Variants in USP4 observed in about 807,000 individuals in gnomAD.
The protein encoded by USP4 is ubiquitin specific peptidase 4, also known as ubiquitin carboxyl-terminal hydrolase 4.
Under a neutral mutation model 118.2 loss-of-function variants are expected in USP4, and 72 were observed. The ratio of observed to expected loss-of-function variants is 0.61; its 90% CI spans 0.50 to 0.74. The LOEUF (loss-of-function observed/expected upper bound fraction) is 0.74. Among genes scored for constraint, USP4 ranks in the 30% least tolerant of loss-of-function variants. The probability of loss-of-function intolerance (pLI) is 0.00; values close to 1 mark genes in which losing one functional copy is unlikely to be tolerated. For synonymous variants in USP4, 415 were observed against 440.4 expected, an observed-to-expected ratio of 0.94 and a Z score of 0.72; for missense variants, 1,037 against 1,185.7, an observed-to-expected ratio of 0.87 and a Z score of 1.84.
At position 49,288,739 on chromosome 3, in the gene USP4, C is replaced by T. The variant is rs937742734; in HGVS notation, c.1973-2414G>A. On this transcript the variant is annotated intron_variant, in intron 15 of 21. Coordinates refer to ENST00000265560, the MANE Select transcript of USP4 (RefSeq NM_003363.4). ...CACTGAAAGCAGCTACCCAAAGTCACTCAGAAAATCAGCAGGGGACCTAAA... is the reference window on the plus strand; with the variant it reads ...CACTGAAAGCAGCTACCCAAAGTCATTCAGAAAATCAGCAGGGGACCTAAA... Among the ~76,000 whole-genome samples the T allele has an allele frequency of 3.9e-5, 6 of 152,076 alleles. No homozygotes were observed. In the South Asian group the frequency reaches 1.2e-3, roughly 32 times the overall value.
intron 1 of USP4, among the ~76,000 whole-genome samples, chr3:49,339,064 T>C (rs1423322136): frequency 2.6e-5 from 4 of 152,258 alleles, no homozygotes; most frequent in Middle Eastern, 3.4e-3. Context: ...GGAGAATCGC[T>C]TGAACCCGGG....
chr3:49,311,236 C>T (rs536766746), intron 7 of USP4, among the ~76,000 whole-genome samples: 2 of 152,314 alleles, frequency 1.3e-5, no homozygotes, highest in Non-Finnish European at 2.9e-5. Context: ...GCCAGCCCAT[C>T]CCTTCATAAA....
chr3:49,329,384 A>G (rs535619747), intron 2 of USP4, among the ~76,000 whole-genome samples: 1 of 152,076 alleles, frequency 6.6e-6, no homozygotes, highest in Non-Finnish European at 1.5e-5. Flanking sequence ...CCCATGAATC[A>G]TGAATATTTT....
At chr3:49,327,061 T>C (rs1451218433) in intron 3 of USP4, among the ~76,000 whole-genome samples, 1 of 152,154 alleles carries the variant, frequency 6.6e-6, no homozygotes, top group East Asian at 1.9e-4. Context: ...ATAAACAAGA[T>C]GCAGGACATT....
chr3:49,321,139 T>C (rs1214511467), intron 6 of USP4, among the ~76,000 whole-genome samples: 2 of 147,604 alleles, frequency 1.4e-5, no homozygotes, highest in Non-Finnish European at 3.1e-5. Context: ...TTCAGAAAGA[T>C]GTAAGCCTCC....
At chr3:49,282,045 C>A (rs570595848) in intron 19 of USP4, among the ~76,000 whole-genome samples, 3 of 151,676 alleles carry the variant, frequency 2.0e-5, no homozygotes, top group African/African-American at 7.2e-5. Context: ...AAAACAACAA[C>A]AACAACAAAA....
Position 49,278,349 on chromosome 3 carries a change from T to C in USP4, c.2836A>G (p.Ser946Gly). Residue 946 changes from serine (S) to glycine (G), a missense_variant, in exon 22 of 22, where the codon AGC becomes GGC. This residue lies in a region of USP4 where 522 missense variants were observed against 592.6 expected (regional missense o/e 0.88). Coordinates refer to ENST00000265560, the MANE Select transcript of USP4 (RefSeq NM_003363.4). ...TCCCCAAAGCCCTGCTGAGAGCTGCTTGGTCGTGTCCCTCCATCAGAGGAA... is the reference window on the plus strand; with the variant it reads ...TCCCCAAAGCCCTGCTGAGAGCTGCCTGGTCGTGTCCCTCCATCAGAGGAA... ...SGSSDGGTRP[S>G]SSQQGFGDDE... 1 of 1,614,148 alleles carries C rather than the reference T, an allele frequency of 6.2e-7. No individual in the cohort carries two copies. The highest frequency in any genetic ancestry group is 8.5e-7 in the Non-Finnish European group (1 of 1,180,036).
intron 19 of USP4, among the ~76,000 whole-genome samples, chr3:49,281,536 A>T (rs1174509007): frequency 1.3e-5 from 2 of 150,096 alleles, no homozygotes; most frequent in East Asian, 3.9e-4. Context: ...ACACACATAT[A>T]TACATTTATA....
At chr3:49,321,035 T>C (rs2047494376) in intron 6 of USP4, among the ~76,000 whole-genome samples, 2 of 152,182 alleles carry the variant, frequency 1.3e-5, no homozygotes, top group South Asian at 4.1e-4. Flanking sequence ...ATCTGAGAAA[T>C]GTCCTAAAAA....
intron 19 of USP4, among the ~76,000 whole-genome samples, chr3:49,282,647 C>T (rs541793911): frequency 5.5e-4 from 84 of 152,144 alleles, no homozygotes; most frequent in Admixed American, 2.2e-3. Context: ...TGCTATACTT[C>T]ATGTATCTAT....
At chr3:49,284,683 C>CT in intron 17 of USP4, 99 bp from the exon 18 acceptor site, 1 of 1,236,702 alleles carries the variant, frequency 8.1e-7, no homozygotes, top group Non-Finnish European at 1.2e-6. Flanking sequence ...ATGTAGTACA[C>CT]TTTCTAGAGC....
intron 11 of USP4, among the ~76,000 whole-genome samples, chr3:49,300,217 G>C (rs2047250418): frequency 6.6e-6 from 1 of 151,720 alleles, no homozygotes; most frequent in African/African-American, 2.4e-5. Context: ...CTTCACTCCA[G>C]CATGGGCAAC....
intron 6 of USP4, chr3:49,312,714 A>T: frequency 3.3e-6 from 1 of 302,158 alleles, no homozygotes; most frequent in Non-Finnish European, 6.6e-6. Context: ...GAATTGCGTG[A>T]AACCGGGAGG....
Position 49,294,490 on chromosome 3 carries a change from T to G in USP4, c.1800A>C (p.Leu600=). 1.2e-6 allele frequency: 2 copies of G among 1,614,224 alleles called. No individual in the cohort carries two copies. Among genetic ancestry groups the G allele is most frequent in the South Asian group, 2.2e-5 (2 of 91,082 alleles). Residue 600 remains leucine, a synonymous_variant, in exon 14 of 22, where the codon CTA becomes CTC. Coordinates refer to ENST00000265560, the MANE Select transcript of USP4 (RefSeq NM_003363.4). ...RPSSTSSASA[L]YGQPLLLSVP... is the part of the protein sequence containing the mutation. ...CAGAAAGCAATAGTGGCTGCCCATA[T>G]AGCGCTGATGCGGAGGAAGTGCTTG... is the stretch of plus-strand genomic sequence containing the variant.
intron 1 of USP4, among the ~76,000 whole-genome samples, chr3:49,339,165 A>G (rs1189841370): frequency 6.6e-6 from 1 of 152,136 alleles, no homozygotes; most frequent in Non-Finnish European, 1.5e-5. Context: ...AACAAAACAA[A>G]CAAGATGGGT....
At chr3:49,323,761 TCC>T (rs1163644850) in intron 6 of USP4, among the ~76,000 whole-genome samples, 1 of 152,122 alleles carries the variant, frequency 6.6e-6, no homozygotes, top group Non-Finnish European at 1.5e-5. Context: ...GCAACATTAT[TCC>T]CATAACTACT....
chr3:49,278,153 TTTG>T lies in USP4; in HGVS notation c.*137_*139del. The T allele has an allele frequency of 3.2e-6, 3 of 943,712 alleles. No individual in the cohort carries two copies. The highest frequency in any genetic ancestry group is 3.0e-6 in the Non-Finnish European group (2 of 673,654). The allele number at this position is 943,712 out of a possible 1,614,324, so 58.5% of individuals were successfully genotyped here. A position where few individuals can be genotyped will look rare whatever the true frequency, so the allele number is the denominator to read the frequency against. On this transcript the variant is annotated 3_prime_UTR_variant, in exon 22 of 22. Transcript: ENST00000265560. ...AGGTAAACGGTCTTCTTTTTTTTTT[TTTG>T]TTTCCTTCTGCTCATAAAAGAAGGG...
chr3:49,326,947 G>A (rs1031868444), intron 3 of USP4, among the ~76,000 whole-genome samples: 4 of 151,950 alleles, frequency 2.6e-5, no homozygotes, highest in East Asian at 1.9e-4. Flanking sequence ...TGATCCACCC[G>A]CCTCAACCTC....
At position 49,305,897 on chromosome 3, in the gene USP4, G is replaced by C. The variant is rs1444212013; in HGVS notation, c.955-9C>G. ...GCAGTGTTGCTCAAACACTGAAACA[G>C]AACATGATGAGGGCTTTACACACCT... On this transcript the variant is annotated splice_polypyrimidine_tract_variant and intron_variant, in intron 8 of 21. Coordinates refer to ENST00000265560, the MANE Select transcript of USP4 (RefSeq NM_003363.4). 6.2e-7 allele frequency: 1 copy of C among 1,611,058 alleles called. No homozygotes were observed. The highest frequency in any genetic ancestry group is 2.2e-5 in the East Asian group (1 of 44,824).
Sources: allele counts gnomAD v4.1 joint callset (sites outside exome capture counted in the v4.1 genomes callset), GRCh38; gene constraint gnomAD v4.1.1; regional missense constraint gnomAD v4.1.1; transcripts MANE v1.5; gene names NCBI Gene and HGNC (gene_info 2026-07-23, HGNC 2026-07-21).